ARRB1: variants seen among roughly 807,000 people sequenced by gnomAD.
ARRB1 encodes arrestin beta 1, also known as beta-arrestin-1.
A neutral mutation model predicts 56.8 loss-of-function variants in ARRB1; 21 were observed. That is an observed-to-expected ratio of 0.37 (90% CI 0.26 to 0.53). The LOEUF (loss-of-function observed/expected upper bound fraction) is 0.53. Among genes scored for constraint, ARRB1 ranks in the 20% least tolerant of loss-of-function variants. The pLI is 0.88. For missense variants in ARRB1, 424 were observed against 553.7 expected (o/e 0.77, Z 2.35); for synonymous variants, 210 against 218.6 (o/e 0.96, Z 0.35).
rs1007420232 is a variant in ARRB1, at chr11:75,278,852, A to G, written c.483-108T>C. The G allele has an allele frequency of 5.5e-6, 8 of 1,448,654 alleles. No homozygotes were observed. The African/African-American group carries it at 1.0e-4, about 18-fold the overall frequency. The allele number at this position is 1,448,654 out of a possible 1,614,324, so 89.7% of individuals were successfully genotyped here. Reference sequence around the variant, plus strand: ...GCTCAAGAGACTGGCATGGCTCTCCATCACCTTAGAATCCAGCCAAACTGC... The same window carrying G: ...GCTCAAGAGACTGGCATGGCTCTCCGTCACCTTAGAATCCAGCCAAACTGC... On this transcript the variant is annotated intron_variant, in intron 7 of 15. Coordinates refer to ENST00000420843, the MANE Select transcript of ARRB1 (RefSeq NM_004041.5).
chr11:75,347,409 C>T (rs995214227), intron 1 of ARRB1, among the ~76,000 whole-genome samples: 2 of 152,142 alleles, frequency 1.3e-5, no homozygotes, highest in African/African-American at 4.8e-5. Flanking sequence ...ACCCTCCTTT[C>T]TCTGAAAAAA....
chr11:75,312,495 T>C (rs1947183771), intron 1 of ARRB1, among the ~76,000 whole-genome samples: 1 of 152,152 alleles, frequency 6.6e-6, no homozygotes, highest in African/African-American at 2.4e-5. Flanking sequence ...TCTCATGTCA[T>C]CCTCACAACT....
At chr11:75,343,084 T>C (rs1947715300) in intron 1 of ARRB1, among the ~76,000 whole-genome samples, 1 of 152,194 alleles carries the variant, frequency 6.6e-6, no homozygotes, top group Admixed American at 6.5e-5. Context: ...CTCAGCGGCA[T>C]GCCAGGTCTG....
At chr11:75,270,624 C>T (rs1946056049) in intron 13 of ARRB1, among the ~76,000 whole-genome samples, 2 of 146,578 alleles carry the variant, frequency 1.4e-5, no homozygotes, top group South Asian at 4.3e-4. Flanking sequence ...GAGATTCTGT[C>T]TCAAAAAAAA....
chr11:75,287,014 C>T (rs1292666010), intron 3 of ARRB1, among the ~76,000 whole-genome samples: 1 of 152,180 alleles, frequency 6.6e-6, no homozygotes, highest in East Asian at 1.9e-4. Context: ...TAGCCACCCC[C>T]ACTGTCTGCT....
chr11:75,349,841 C>T (rs954881819), intron 1 of ARRB1, among the ~76,000 whole-genome samples: 2 of 152,244 alleles, frequency 1.3e-5, no homozygotes, highest in African/African-American at 2.4e-5. Flanking sequence ...CCGTCCCCCC[C>T]AAAGCCTGGG....
chr11:75,309,256 C>T (rs1232568893), intron 1 of ARRB1, among the ~76,000 whole-genome samples: 3 of 152,250 alleles, frequency 2.0e-5, no homozygotes, highest in Non-Finnish European at 4.4e-5. Context: ...AGGGCCCAAG[C>T]CCTGCTCCCT....
Position 75,283,334 on chromosome 11 carries a change from G to A in ARRB1, c.307C>T (p.Arg103Cys), listed in dbSNP as rs567449474. 1.9e-6 allele frequency: 3 copies of A among 1,613,878 alleles called. No homozygotes were observed. The highest frequency in any genetic ancestry group is 1.1e-5 in the South Asian group (1 of 91,048). Residue 103 changes from arginine to cysteine, a missense_variant, in exon 5 of 16, where the codon CGC becomes TGC. Coordinates refer to ENST00000420843, the MANE Select transcript of ARRB1 (RefSeq NM_004041.5). ...TGCTCGCCCAGCTTCTTGATGAGGC[G>A]TTCCTGCAGCCGCGTCAGGGGCTTC... is the stretch of plus-strand genomic sequence containing the variant. ...DKKPLTRLQE[R>C]LIKKLGEHAY... is the part of the protein sequence containing the mutation.
rs567841379 is a variant in ARRB1, at chr11:75,308,214, T to G, written c.21-18175A>C. ...GATCCACAAAGTACTTTGCCGACAC[T>G]TTATGAGCTCAGTCTCACCAGAGGC... On this transcript the variant is annotated intron_variant, in intron 1 of 15. Transcript: ENST00000420843. 2.0e-5 allele frequency among the ~76,000 whole-genome samples: 3 copies of G among 152,282 alleles called. No individual in the cohort carries two copies. In the South Asian group the frequency reaches 6.2e-4, roughly 32 times the overall value.
At chr11:75,290,112 G>C in intron 1 of ARRB1, 73 bp from the exon 2 acceptor site, 1 of 1,593,646 alleles carries the variant, frequency 6.3e-7, no homozygotes, top group Non-Finnish European at 8.6e-7. Flanking sequence ...GGGCCACCTT[G>C]AGGCAGGACT....
Position 75,311,976 on chromosome 11 carries a change from G to A in ARRB1, c.21-21937C>T, listed in dbSNP as rs112784913. The A allele has an allele frequency of 8.4e-4, 1,031 of 1,222,442 alleles. 7 individuals are homozygous for A. The Middle Eastern group carries it at 0.011, about 13-fold the overall frequency. 75.7% of individuals were successfully genotyped at this position (1,222,442 alleles called of 1,614,324 possible). A position where few individuals can be genotyped will look rare whatever the true frequency, so the allele number is the denominator to read the frequency against. On this transcript the variant is annotated intron_variant, in intron 1 of 15. Coordinates refer to ENST00000420843, the MANE Select transcript of ARRB1 (RefSeq NM_004041.5). ...GGAACCAAGCAGCAGGGCCTGGGCC[G>A]AGGGGCTGGGAAAAAGCTGACCGTT... is the stretch of plus-strand genomic sequence containing the variant.
intron 14 of ARRB1, among the ~76,000 whole-genome samples, chr11:75,268,436 C>T (rs970493584): frequency 3.1e-5 from 4 of 129,590 alleles, no homozygotes; most frequent in Non-Finnish European, 6.3e-5. Context: ...GCCTGGGAGG[C>T]GGAGGTTGCA....
chr11:75,332,540 C>T (rs1947537862), intron 1 of ARRB1, among the ~76,000 whole-genome samples: 1 of 152,182 alleles, frequency 6.6e-6, no homozygotes. Flanking sequence ...TGAACATTTC[C>T]TTTCTAAGGA....
In ARRB1 at chr11:75,311,612, A is replaced by G. The variant is rs139612900; in HGVS notation, c.21-21573T>C. Among the ~76,000 whole-genome samples, 41 of 152,342 alleles carry G rather than the reference A, an allele frequency of 2.7e-4. No individual in the cohort carries two copies. In the East Asian group the frequency reaches 5.8e-3, roughly 22 times the overall value. On this transcript the variant is annotated intron_variant, in intron 1 of 15. Transcript: ENST00000420843. The stretch of plus-strand genomic sequence containing the variant: ...AATCACAATCTCGTTTCACCCTCTC[A>G]AATCCCATAATGGTGTTATTAACTG...
chr11:75,297,212 G>T (rs1411561674), intron 1 of ARRB1, among the ~76,000 whole-genome samples: 1 of 151,148 alleles, frequency 6.6e-6, no homozygotes, highest in Admixed American at 6.6e-5. Context: ...AAACTGAGAA[G>T]CTCATCCTAA....
intron 1 of ARRB1, among the ~76,000 whole-genome samples, chr11:75,307,188 G>A (rs529513): frequency 0.56 from 85,396 of 152,048 alleles, 24,423 homozygotes; most frequent in Non-Finnish European, 0.62. Context: ...GCCCATCTCC[G>A]TCCGTAGCTG....
chr11:75,287,370 G>A lies in ARRB1; in HGVS notation c.57C>T (p.Thr19=), dbSNP rs762061014. ...CAAAGTCCCGCTTTCCCAGGTAGACGGTGAGCTGAGGAGGAGAGGCATAGG... is the reference window on the plus strand; with the variant it reads ...CAAAGTCCCGCTTTCCCAGGTAGACAGTGAGCTGAGGAGGAGAGGCATAGG... ...FKKASPNGKL[T]VYLGKRDFVD... is the part of the protein sequence containing the mutation. Residue 19 remains threonine, a synonymous_variant, in exon 3 of 16, where the codon ACC becomes ACT. Transcript: ENST00000420843. The A allele has an allele frequency of 5.8e-6, 9 of 1,559,728 alleles. No individual in the cohort carries two copies. Among genetic ancestry groups the A allele is most frequent in the African/African-American group, 1.4e-5 (1 of 73,554 alleles).
chr11:75,343,735 G>T (rs1290140485), intron 1 of ARRB1, among the ~76,000 whole-genome samples: 1 of 152,032 alleles, frequency 6.6e-6, no homozygotes, highest in African/African-American at 2.4e-5. Flanking sequence ...TCAGATCACC[G>T]AAGGGCCTGC....
At chr11:75,267,540 G>A (rs1250329332) in intron 15 of ARRB1, 112 bp downstream of exon 15, 10 of 1,109,248 alleles carry the variant, frequency 9.0e-6, no homozygotes, top group South Asian at 4.1e-5. Flanking sequence ...CTCAGCAGAC[G>A]GGGTTAGACC....
Sources: allele counts gnomAD v4.1 joint callset (sites outside exome capture counted in the v4.1 genomes callset), GRCh38; gene constraint gnomAD v4.1.1; transcripts MANE v1.5; gene names NCBI Gene and HGNC (gene_info 2026-07-23, HGNC 2026-07-21).